DIAPH2: variants seen among roughly 807,000 people sequenced by gnomAD.
DIAPH2 encodes the protein diaphanous related formin 2.
A neutral mutation model predicts 92.7 loss-of-function variants in DIAPH2; 35 were observed. The ratio of observed to expected loss-of-function variants is 0.38; its 90% CI spans 0.29 to 0.50. The LOEUF (loss-of-function observed/expected upper bound fraction) is 0.50. Among genes scored for constraint, DIAPH2 ranks in the 20% least tolerant of loss-of-function variants. The pLI is 0.94. For synonymous variants in DIAPH2, 301 were observed against 280.4 expected (o/e 1.07, Z -0.73); for missense variants, 701 against 819.5 (o/e 0.86, Z 1.77).
At chrX:97,584,382 T>C (rs1339485660) in intron 26 of DIAPH2, among the ~76,000 whole-genome samples, 1 of 112,358 alleles carries the variant, frequency 8.9e-6, no homozygotes, top group Non-Finnish European at 1.9e-5. Context: ...TAATATATTG[T>C]TGCTTAAATA....
At chrX:97,064,189 A>G (rs1281133178) in intron 17 of DIAPH2, among the ~76,000 whole-genome samples, 1 of 111,610 alleles carries the variant, frequency 9.0e-6, no homozygotes, top group Non-Finnish European at 1.9e-5. Flanking sequence ...TAATACCCAC[A>G]TTTTCAAAGT....
At chrX:96,715,901 C>CTT (rs768592472) in intron 1 of DIAPH2, among the ~76,000 whole-genome samples, 7 of 99,847 alleles carry the variant, frequency 7.0e-5, no homozygotes, top group African/African-American at 1.4e-4. Context: ...TTGGTTTAAT[C>CTT]TTTTTTTTTT....
At chrX:97,101,044 A>C (rs752175357) in intron 20 of DIAPH2, among the ~76,000 whole-genome samples, 5 of 112,186 alleles carry the variant, frequency 4.5e-5, no homozygotes, top group Non-Finnish European at 9.4e-5. Context: ...TTAATCAACT[A>C]AATTCGATAG....
chrX:97,554,108 G>A (rs181848890), intron 26 of DIAPH2, among the ~76,000 whole-genome samples: 23 of 111,664 alleles, frequency 2.1e-4, no homozygotes, highest in Admixed American at 1.0e-3. Context: ...AGTGTGTGTA[G>A]TTGAACTAAC....
At chrX:97,211,070 A>G (rs1381547397) in intron 22 of DIAPH2, among the ~76,000 whole-genome samples, 2 of 111,852 alleles carry the variant, frequency 1.8e-5, no homozygotes, top group African/African-American at 6.5e-5. Context: ...TCACACATAA[A>G]GTAGATCAGC....
intron 26 of DIAPH2, among the ~76,000 whole-genome samples, chrX:97,584,292 G>T (rs1388519405): frequency 8.9e-6 from 1 of 112,272 alleles, no homozygotes; most frequent in Non-Finnish European, 1.9e-5. Flanking sequence ...AATTTTAGGT[G>T]TAGTAAAAGG....
intron 1 of DIAPH2, among the ~76,000 whole-genome samples, chrX:96,709,790 G>A (rs1013593502): frequency 1.8e-4 from 20 of 111,718 alleles, no homozygotes; most frequent in African/African-American, 5.9e-4. Context: ...CCATTTCTAG[G>A]TGTAGTGAAG....
chrX:97,071,044 T>G (rs2147910610), intron 17 of DIAPH2, among the ~76,000 whole-genome samples: 1 of 111,610 alleles, frequency 9.0e-6, no homozygotes, highest in Admixed American at 9.5e-5. Flanking sequence ...TAGTGAATTT[T>G]AAGGCATATT....
intron 19 of DIAPH2, among the ~76,000 whole-genome samples, chrX:97,098,655 C>T (rs1158789803): frequency 1.8e-5 from 2 of 112,424 alleles, no homozygotes; most frequent in African/African-American, 6.5e-5. Flanking sequence ...GAACTCCTGA[C>T]CTCAGGTGAT....
chrX:96,712,581 T>A (rs1297361819), intron 1 of DIAPH2, among the ~76,000 whole-genome samples: 2 of 111,321 alleles, frequency 1.8e-5, no homozygotes, highest in South Asian at 3.8e-4. Flanking sequence ...ATTTTAGATA[T>A]TATCTATTGC....
At position 97,247,725 on chromosome X, in the gene DIAPH2, A is replaced by G. The variant is rs1284392850; in HGVS notation, c.2730A>G (p.Gln910=). 8.3e-7 allele frequency: 1 copy of G among 1,203,199 alleles called. No homozygotes were observed. Among genetic ancestry groups the G allele is most frequent in the Non-Finnish European group, 1.1e-6 (1 of 891,252 alleles). ...HVESASKVSA[Q]ILKSNLASME... Reference sequence around the variant, plus strand: ...CACACTGTTCTTTAGTTTCAGCTCAAATTCTCAAGAGCAACCTTGCATCAA... The same window carrying G: ...CACACTGTTCTTTAGTTTCAGCTCAGATTCTCAAGAGCAACCTTGCATCAA... Residue 910 remains glutamine, a synonymous_variant, in exon 23 of 27, where the codon CAA becomes CAG. Transcript: ENST00000324765.
intron 5 of DIAPH2, among the ~76,000 whole-genome samples, chrX:96,898,844 GT>G (rs1227631477): frequency 1.9e-5 from 2 of 107,713 alleles, no homozygotes; most frequent in Middle Eastern, 4.7e-3. Context: ...TTCTTCTAGG[GT>G]TTTTATGGTT....
intron 17 of DIAPH2, among the ~76,000 whole-genome samples, chrX:96,991,537 G>GTTTA (rs760118984): frequency 3.5e-5 from 2 of 56,891 alleles, no homozygotes; most frequent in Non-Finnish European, 6.2e-5. Flanking sequence ...CTGTTTTATG[G>GTTTA]TGTTTTTTTT....
At chrX:96,807,068 ACTTTAACATTAGCTCATT>A (rs2064634011) in intron 4 of DIAPH2, among the ~76,000 whole-genome samples, 1 of 112,077 alleles carries the variant, frequency 8.9e-6, no homozygotes, top group Non-Finnish European at 1.9e-5. Context: ...TGGACATGCC[ACTTTAACATTAGCTCATT>A]CTTTATTTGC....
intron 23 of DIAPH2, among the ~76,000 whole-genome samples, chrX:97,264,052 G>A (rs1004920751): frequency 9.2e-6 from 1 of 108,332 alleles, no homozygotes; most frequent in Non-Finnish European, 1.9e-5. Context: ...CTCCTGAATA[G>A]CTGGGACTAC....
At chrX:96,790,548 T>C in intron 4 of DIAPH2, among the ~76,000 whole-genome samples, 1 of 111,724 alleles carries the variant, frequency 9.0e-6, no homozygotes, top group Admixed American at 9.5e-5. Context: ...CAATTATGGC[T>C]GTTTTATATT....
intron 26 of DIAPH2, among the ~76,000 whole-genome samples, chrX:97,477,611 A>AATCT (rs61700508): frequency 3.7e-5 from 4 of 108,291 alleles, no homozygotes; most frequent in East Asian, 2.9e-4. Flanking sequence ...TCTAAAAAAA[A>AATCT]ATCTATCTAT....
intron 23 of DIAPH2, among the ~76,000 whole-genome samples, chrX:97,311,530 G>T (rs1239727449): frequency 9.0e-6 from 1 of 111,114 alleles, no homozygotes; most frequent in East Asian, 2.9e-4. Flanking sequence ...TTAGGTCAGA[G>T]ATGAAATCAT....
At chrX:97,318,329 G>T (rs1262317896) in intron 23 of DIAPH2, among the ~76,000 whole-genome samples, 1 of 108,705 alleles carries the variant, frequency 9.2e-6, no homozygotes, top group Admixed American at 1.0e-4. Context: ...AGTAGAGACG[G>T]AGTTTCACTA....
Sources: gnomAD v4.1 joint callset for allele counts (sites outside exome capture counted in the v4.1 genomes callset) on GRCh38, gnomAD v4.1.1 for gene constraint, MANE v1.5 for transcripts, NCBI Gene and HGNC (gene_info 2026-07-23, HGNC 2026-07-21) for gene names.